Variants in CHPT1 observed in about 807,000 individuals in gnomAD.
The protein encoded by CHPT1 is cholinephosphotransferase 1.
A neutral mutation model predicts 47.6 loss-of-function variants in CHPT1; 36 were observed. That is an observed-to-expected ratio of 0.76 (90% confidence interval 0.58 to 1.00). CHPT1 has a LOEUF of 1.00. CHPT1 is among the 50% of genes least tolerant of loss of function. The pLI is 0.00. For missense variants in CHPT1, 458 were observed against 498.1 expected, an observed-to-expected ratio of 0.92 and a Z score of 0.77; for synonymous variants, 194 against 186.3, an observed-to-expected ratio of 1.04 and a Z score of -0.33.
At chr12:101,709,388 CAAAA>C (rs544323245) in intron 1 of CHPT1, among the ~76,000 whole-genome samples, 5 of 71,436 alleles carry the variant, frequency 7.0e-5, no homozygotes, top group Admixed American at 1.7e-4. Flanking sequence ...AGACCTGTGT[CAAAA>C]AAAAAAAAAA....
At chr12:101,723,688 A>G (rs1566043585) in intron 6 of CHPT1, 34 bp from the exon 7 acceptor site, 1 of 1,282,064 alleles carries the variant, frequency 7.8e-7, no homozygotes, top group Non-Finnish European at 1.1e-6. Context: ...TTTAAAACTT[A>G]ATAGTAAAAT....
At chr12:101,705,914 C>T (rs1462617867) in intron 1 of CHPT1, among the ~76,000 whole-genome samples, 13 of 150,964 alleles carry the variant, frequency 8.6e-5, no homozygotes, top group East Asian at 2.0e-4. Context: ...TTAGTAGAGA[C>T]GGGGTTTCAC....
Position 101,720,152 on chromosome 12 carries a change from C to A in CHPT1, c.678C>A (p.Ile226=). ...CTATTCTAGAAATAAAATTGAAGAT[C>A]CTTCCAGTTCTTGGATTTCTAGGTG... is the stretch of plus-strand genomic sequence containing the variant. ...TIPILEIKLK[I]LPVLGFLGGV... is the part of the protein sequence containing the mutation. The change falls in exon 5 of 9, where the codon ATC becomes ATA. Residue 226 remains isoleucine, a synonymous_variant. Transcript: ENST00000229266. 2.5e-6 allele frequency: 4 copies of A among 1,593,600 alleles called. No homozygotes were observed. Among genetic ancestry groups the A allele is most frequent in the Non-Finnish European group, 3.4e-6 (4 of 1,166,998 alleles).
chr12:101,720,387 GC>G (rs1270652385), intron 5 of CHPT1, 133 bp downstream of exon 5: 7 of 762,844 alleles, frequency 9.2e-6, no homozygotes, highest in Non-Finnish European at 1.3e-5. Flanking sequence ...TTCATTTTAG[GC>G]ACATAGTACA....
chr12:101,698,352 G>A (rs973964937), intron 1 of CHPT1, among the ~76,000 whole-genome samples: 2 of 152,200 alleles, frequency 1.3e-5, no homozygotes, highest in Non-Finnish European at 2.9e-5. Context: ...CCTGGGCAGC[G>A]GAGGGGCTGT....
At chr12:101,709,122 A>G (rs1418880237) in intron 1 of CHPT1, among the ~76,000 whole-genome samples, 1 of 148,480 alleles carries the variant, frequency 6.7e-6, no homozygotes, top group African/African-American at 2.4e-5. Flanking sequence ...CTGGCTAGGC[A>G]CGGTGGCACT....
chr12:101,698,521 C>T (rs1390810954), intron 1 of CHPT1, among the ~76,000 whole-genome samples: 3 of 152,268 alleles, frequency 2.0e-5, no homozygotes, highest in Non-Finnish European at 2.9e-5. Context: ...ACCCCCATCT[C>T]CGTCCTGCCT....
intron 1 of CHPT1, among the ~76,000 whole-genome samples, chr12:101,713,785 A>G (rs1007264949): frequency 6.6e-6 from 1 of 152,132 alleles, no homozygotes; most frequent in African/African-American, 2.4e-5. Flanking sequence ...GTAATTTCAA[A>G]TCTGTGGCAT....
intron 8 of CHPT1, chr12:101,726,629 A>G (rs1951950236): frequency 1.8e-6 from 1 of 548,868 alleles, no homozygotes; most frequent in Non-Finnish European, 2.9e-6. Flanking sequence ...AGAATTGTCT[A>G]CATATTAATT....
chr12:101,703,931 C>T (rs969856882), intron 1 of CHPT1, among the ~76,000 whole-genome samples: 1 of 152,160 alleles, frequency 6.6e-6, no homozygotes, highest in Non-Finnish European at 1.5e-5. Flanking sequence ...TTAAGAGTCA[C>T]CTGTCTGGGT....
chr12:101,699,483 G>T (rs998900650), intron 1 of CHPT1, among the ~76,000 whole-genome samples: 12 of 151,678 alleles, frequency 7.9e-5, no homozygotes. Flanking sequence ...TGCCTCCTGG[G>T]TTCAAGCGAT....
At chr12:101,727,661 C>A (rs1329161503) in intron 8 of CHPT1, 1 of 152,142 alleles carries the variant, frequency 6.6e-6, no homozygotes, top group Admixed American at 6.5e-5. Flanking sequence ...CTCTAACTAA[C>A]TATTGGTAAA....
At chr12:101,719,099 G>A (rs1594138488) in intron 4 of CHPT1, among the ~76,000 whole-genome samples, 1 of 144,750 alleles carries the variant, frequency 6.9e-6, no homozygotes, top group Admixed American at 7.0e-5. Flanking sequence ...AGAGGTTGCA[G>A]TGAGCCAAGA....
intron 1 of CHPT1, among the ~76,000 whole-genome samples, chr12:101,711,794 T>G (rs1951704153): frequency 6.7e-6 from 1 of 148,826 alleles, no homozygotes; most frequent in African/African-American, 2.4e-5. Flanking sequence ...ATAATAAAAT[T>G]TATCTTTAAA....
intron 4 of CHPT1, among the ~76,000 whole-genome samples, chr12:101,718,091 T>C (rs868066518): frequency 1.4e-4 from 22 of 152,254 alleles, no homozygotes; most frequent in Middle Eastern, 3.4e-3. Context: ...ATGGAGACAG[T>C]AAAAGGATCA....
rs1951482880 is a variant in CHPT1 at position 101,697,751 on chromosome 12, C to G, written c.-111C>G. The G allele has an allele frequency of 3.5e-6, 1 of 288,074 alleles. No homozygotes were observed. The highest frequency in any genetic ancestry group is 5.3e-6 in the Non-Finnish European group (1 of 188,264). The allele number at this position is 288,074 out of a possible 1,614,324, so 17.8% of individuals were successfully genotyped here. ...CGCCGTGCGGGCCCGACCGGTGAGT[C>G]CAGCCCGGCAGTCGCAGGACCCGGC... On this transcript the variant is annotated 5_prime_UTR_variant, in exon 1 of 9. Coordinates refer to ENST00000229266, the MANE Select transcript of CHPT1 (RefSeq NM_020244.3).
At chr12:101,711,849 T>C (rs1325624534) in intron 1 of CHPT1, among the ~76,000 whole-genome samples, 1 of 148,686 alleles carries the variant, frequency 6.7e-6, no homozygotes, top group African/African-American at 2.4e-5. Flanking sequence ...TTAACAGAAT[T>C]GTTCTCTGTA....
At chr12:101,726,029 GT>G (rs972222357) in intron 7 of CHPT1, among the ~76,000 whole-genome samples, 3 of 152,140 alleles carry the variant, frequency 2.0e-5, no homozygotes, top group African/African-American at 7.2e-5. Context: ...AGTCAGGAGA[GT>G]TGGGTTCTGT....
chr12:101,724,306 ATAT>A (rs941850713), intron 7 of CHPT1, among the ~76,000 whole-genome samples: 2 of 152,194 alleles, frequency 1.3e-5, no homozygotes, highest in African/African-American at 4.8e-5. Context: ...GCTGTGAATA[ATAT>A]TATATTGTGT....
Sources: allele counts gnomAD v4.1 joint callset (sites outside exome capture counted in the v4.1 genomes callset), GRCh38; gene constraint gnomAD v4.1.1; transcripts MANE v1.5; gene names NCBI Gene and HGNC (gene_info 2026-07-23, HGNC 2026-07-21).